Variants in ICOS observed in about 807,000 individuals in gnomAD.
ICOS encodes inducible T cell costimulator.
Under a neutral mutation model 24.6 loss-of-function variants are expected in ICOS, and 15 were observed. That is an observed-to-expected ratio of 0.61 (90% CI 0.41 to 0.94). The LOEUF is 0.94. ICOS is among the 40% of genes least tolerant of loss of function. The probability of loss-of-function intolerance (pLI) is 0.00; values close to 1 mark genes in which losing one functional copy is unlikely to be tolerated. For missense variants in ICOS, 200 were observed against 233.0 expected, an observed-to-expected ratio of 0.86 and a Z score of 0.92; for synonymous variants, 89 against 77.5, an observed-to-expected ratio of 1.15 and a Z score of -0.78.
chr2:203,955,942 C>T lies in ICOS; in HGVS notation c.365C>T (p.Thr122Ile), dbSNP rs1690070582. The T allele has an allele frequency of 1.7e-5, 27 of 1,610,680 alleles. No individual in the cohort carries two copies. Among genetic ancestry groups the T allele is most frequent in the Non-Finnish European group, 2.2e-5 (26 of 1,177,458 alleles). ...TTTGATCCTCCTCCTTTTAAAGTAA[C>T]TCTTACAGGAGGATATTTGCATATT... The part of the protein sequence containing the change: ...SIFDPPPFKV[T>I]LTGGYLHIYE... Residue 122 changes from threonine to isoleucine, a missense_variant, in exon 2 of 5, where the codon ACT (threonine) becomes ATT (isoleucine). Coordinates refer to ENST00000316386, the MANE Select transcript of ICOS (RefSeq NM_012092.4).
intron 4 of ICOS, among the ~76,000 whole-genome samples, chr2:203,958,155 C>T (rs999344599): frequency 1.3e-5 from 2 of 152,162 alleles, no homozygotes; most frequent in African/African-American, 4.8e-5. Context: ...GCAATTTTCC[C>T]ATTGATGTTT....
chr2:203,951,808 C>T (rs576670913), intron 1 of ICOS, among the ~76,000 whole-genome samples: 4 of 152,246 alleles, frequency 2.6e-5, no homozygotes, highest in East Asian at 1.9e-4. Flanking sequence ...CTGCAGCAGA[C>T]GGTAGAGACA....
chr2:203,955,892 C>T lies in ICOS; in HGVS notation c.315C>T (p.Asn105=). The part of the protein sequence containing the change: ...FLYNLDHSHA[N]YYFCNLSIFD... The stretch of plus-strand genomic sequence containing the variant: ...ACAACTTGGACCATTCTCATGCCAA[C>T]TATTACTTCTGCAACCTATCAATTT... The change falls in exon 2 of 5, where the codon AAC becomes AAT. Residue 105 remains asparagine (N), a synonymous_variant. Coordinates refer to ENST00000316386, the MANE Select transcript of ICOS (RefSeq NM_012092.4). 1 of 1,613,622 alleles carries T rather than the reference C, an allele frequency of 6.2e-7. No homozygotes were observed. Among genetic ancestry groups the T allele is most frequent in the Admixed American group, 1.7e-5 (1 of 59,986 alleles).
intron 1 of ICOS, among the ~76,000 whole-genome samples, chr2:203,947,598 G>A (rs1200623943): frequency 6.6e-5 from 10 of 152,184 alleles, no homozygotes; most frequent in Middle Eastern, 3.4e-3. Context: ...GAGTCACTGC[G>A]CCCGGCCTAT....
In ICOS at chr2:203,959,710, T is replaced by C. The variant is rs1655869248; in HGVS notation, c.*111T>C. 3.2e-6 allele frequency: 3 copies of C among 948,390 alleles called. No homozygotes were observed. In the African/African-American group the frequency reaches 4.9e-5, roughly 15 times the overall value. 58.7% of individuals were successfully genotyped at this position (948,390 alleles called of 1,614,324 possible). ...GGAGAGTCTGACTTAACTACATACA[T>C]CTTCTGCTGGTGTTTTGTTCAATCT... On this transcript the variant is annotated 3_prime_UTR_variant, in exon 5 of 5. Coordinates refer to ENST00000316386, the MANE Select transcript of ICOS (RefSeq NM_012092.4).
intron 1 of ICOS, among the ~76,000 whole-genome samples, chr2:203,938,939 T>G (rs2105742929): frequency 6.6e-6 from 1 of 152,294 alleles, no homozygotes; most frequent in Middle Eastern, 3.4e-3. Context: ...ATTTAAAATA[T>G]CTCCACAATG....
chr2:203,939,536 T>G (rs551640331), intron 1 of ICOS, among the ~76,000 whole-genome samples: 15 of 152,310 alleles, frequency 9.8e-5, no homozygotes, highest in African/African-American at 3.1e-4. Context: ...AAAGACTACT[T>G]TAAAAGCAGT....
chr2:203,955,680 A>T lies in ICOS; in HGVS notation c.103A>T (p.Asn35Tyr). The change falls in exon 2 of 5, where the codon AAC (asparagine) becomes TAC (tyrosine). Residue 35 changes from asparagine (N) to tyrosine (Y), a missense_variant. Physicochemically the swap from Asn to Tyr is moderately radical, Grantham distance 143. Transcript: ENST00000316386. ...CAATTATGAGATGTTTATATTTCAC[A>T]ACGGAGGTGTACAAATTTTATGCAA... Reference protein sequence around the residue: ...SANYEMFIFHNGGVQILCKYP... With the variant: ...SANYEMFIFHYGGVQILCKYP... The T allele has an allele frequency of 6.2e-7, 1 of 1,613,676 alleles. No individual in the cohort carries two copies. Among genetic ancestry groups the T allele is most frequent in the Middle Eastern group, 1.7e-4 (1 of 6,054 alleles).
intron 1 of ICOS, among the ~76,000 whole-genome samples, chr2:203,950,431 C>A (rs1342608657): frequency 6.6e-6 from 1 of 152,088 alleles, no homozygotes; most frequent in African/African-American, 2.4e-5. Flanking sequence ...TTAAGCTATT[C>A]ATGGGGGTTC....
rs767453549 is a variant in ICOS at position 203,957,899 on chromosome 2, G to T, written c.586+16G>T. 2 of 1,539,548 alleles carry T rather than the reference G, an allele frequency of 1.3e-6. No homozygotes were observed. The highest frequency in any genetic ancestry group is 1.8e-6 in the Non-Finnish European group (2 of 1,112,312). ...AGACTCACAGGTATGACTCCATTTG[G>T]GGGTTTGGGAAGGGAAGAGGTTTCT... On this transcript the variant is annotated intron_variant, in intron 4 of 4. Transcript: ENST00000316386.
At chr2:203,947,158 G>T (rs1160769110) in intron 1 of ICOS, among the ~76,000 whole-genome samples, 3 of 152,004 alleles carry the variant, frequency 2.0e-5, no homozygotes, top group Non-Finnish European at 4.4e-5. Flanking sequence ...CTTTTCTTCA[G>T]AAATTTTCTT....
intron 1 of ICOS, among the ~76,000 whole-genome samples, chr2:203,951,924 T>C (rs999227787): frequency 6.6e-5 from 10 of 152,216 alleles, no homozygotes; most frequent in Non-Finnish European, 1.3e-4. Context: ...CCTGTTCTCA[T>C]GCCAACAGTT....
rs1385586736 is a variant in ICOS, at chr2:203,961,082, T to A, written c.*1483T>A. The A allele has an allele frequency of 6.6e-6, 1 of 152,194 alleles. No homozygotes were observed. Among genetic ancestry groups the A allele is most frequent in the East Asian group, 1.9e-4 (1 of 5,206 alleles). 9.4% of individuals were successfully genotyped at this position (152,194 alleles called of 1,614,324 possible). A position where few individuals can be genotyped will look rare whatever the true frequency, so the allele number is the denominator to read the frequency against. On this transcript the variant is annotated 3_prime_UTR_variant, in exon 5 of 5. Coordinates refer to ENST00000316386, the MANE Select transcript of ICOS (RefSeq NM_012092.4). ...TGCCCAAGGCTTCTGAAGCAGCCAA[T>A]GTCGATGCAACAACATTTGTAACTT...
intron 1 of ICOS, among the ~76,000 whole-genome samples, chr2:203,939,739 C>A (rs1367120476): frequency 6.6e-6 from 1 of 152,126 alleles, no homozygotes; most frequent in African/African-American, 2.4e-5. Flanking sequence ...GTGTCTCCAG[C>A]GTCTGAGAGA....
At chr2:203,959,461 T>TGTGCAC in intron 4 of ICOS, 125 bp from the exon 5 acceptor site, 3 of 736,946 alleles carry the variant, frequency 4.1e-6, no homozygotes, top group Non-Finnish European at 2.5e-6. Context: ...TGTGAGTGTG[T>TGTGCAC]GTGTGTGTGT....
chr2:203,957,896 T>C lies in ICOS; in HGVS notation c.586+13T>C, dbSNP rs1280630048. On this transcript the variant is annotated intron_variant, in intron 4 of 4. Transcript: ENST00000316386. The stretch of plus-strand genomic sequence containing the variant: ...TCTAGACTCACAGGTATGACTCCAT[T>C]TGGGGGTTTGGGAAGGGAAGAGGTT... 1.3e-6 allele frequency: 2 copies of C among 1,537,046 alleles called. No homozygotes were observed. Among genetic ancestry groups the C allele is most frequent in the Non-Finnish European group, 1.8e-6 (2 of 1,110,208 alleles).
intron 1 of ICOS, among the ~76,000 whole-genome samples, chr2:203,949,834 A>G (rs1390229291): frequency 6.6e-6 from 1 of 152,164 alleles, no homozygotes; most frequent in Non-Finnish European, 1.5e-5. Context: ...GACACTATCT[A>G]TAAAAGTGGT....
chr2:203,957,444 C>T (rs1265158145), intron 3 of ICOS, among the ~76,000 whole-genome samples: 3 of 152,122 alleles, frequency 2.0e-5, no homozygotes, highest in African/African-American at 7.2e-5. Context: ...GCATATTACG[C>T]GAGTATGCTA....
At chr2:203,937,948 T>A (rs1346825877) in intron 1 of ICOS, among the ~76,000 whole-genome samples, 1 of 152,332 alleles carries the variant, frequency 6.6e-6, no homozygotes, top group African/African-American at 2.4e-5. Flanking sequence ...GCGGCATGAA[T>A]GACATGAGCA....
Sources: gnomAD v4.1 joint callset for allele counts (sites outside exome capture counted in the v4.1 genomes callset) on GRCh38, gnomAD v4.1.1 for gene constraint, MANE v1.5 for transcripts, NCBI Gene and HGNC (gene_info 2026-07-23, HGNC 2026-07-21) for gene names.